ABHD18: variants seen among roughly 807,000 people sequenced by gnomAD.
The protein encoded by ABHD18 is cardiolipin-specific deacylase, mitochondrial.
In ABHD18, 55 loss-of-function variants were observed where a neutral mutation model predicts 65.9. The observed-to-expected ratio is 0.84, with a 90% confidence interval of 0.67 to 1.05. The LOEUF is 1.05. Among genes scored for constraint, ABHD18 ranks in the 50% least tolerant of loss-of-function variants. The pLI is 0.00. For missense variants in ABHD18, 533 were observed against 558.5 expected, an observed-to-expected ratio of 0.95 and a Z score of 0.46; for synonymous variants, 181 against 180.2, an observed-to-expected ratio of 1.00 and a Z score of -0.04.
chr4:128,022,794 T>G (rs952375578), intron 10 of ABHD18, among the ~76,000 whole-genome samples: 2 of 151,532 alleles, frequency 1.3e-5, no homozygotes, highest in Non-Finnish European at 2.9e-5. Context: ...TTCTCTGTCT[T>G]GCTGTGTCGC....
Position 127,983,048 on chromosome 4 carries a change from G to C in ABHD18, c.92+1G>C. The C allele has an allele frequency of 6.5e-7, 1 of 1,549,044 alleles. No individual in the cohort carries two copies. The highest frequency in any genetic ancestry group is 8.7e-7 in the Non-Finnish European group (1 of 1,145,994). ...GGGGAAGGCCAGAAGATCTCAAAAG[G>C]CAAGCAATTTTTTTTCCTGAATACT... is the stretch of plus-strand genomic sequence containing the variant. On this transcript the variant is annotated splice_donor_variant, in intron 2 of 12. Coordinates refer to ENST00000645843, the MANE Select transcript of ABHD18 (RefSeq NM_001358451.3). LOFTEE classifies it high-confidence loss of function.
chr4:127,984,421 A>T lies in ABHD18; in HGVS notation c.175A>T (p.Lys59Ter). 6.6e-7 allele frequency: 1 copy of T among 1,506,050 alleles called. No homozygotes were observed. The highest frequency in any genetic ancestry group is 9.0e-7 in the Non-Finnish European group (1 of 1,112,468). 93.3% of individuals were successfully genotyped at this position (1,506,050 alleles called of 1,614,324 possible). ...AAGCGATTATCCAGTACACATTGAT[A>T]AGGTATTCAAATGAGAGAAACACAG... ...VSSDYPVHID[K>*]IEEQSDCKIL... Residue 59 changes from lysine to a stop codon, truncating the protein, a stop_gained and splice_region_variant, in exon 3 of 13, where the codon AAG (lysine) becomes TAG (stop). Coordinates refer to ENST00000645843, the MANE Select transcript of ABHD18 (RefSeq NM_001358451.3). LOFTEE classifies it high-confidence loss of function.
At chr4:127,990,408 C>T (rs866420459) in intron 4 of ABHD18, among the ~76,000 whole-genome samples, 1 of 152,128 alleles carries the variant, frequency 6.6e-6, no homozygotes, top group African/African-American at 2.4e-5. Flanking sequence ...ACTGAAAACA[C>T]AAACAATTAG....
At chr4:128,021,877 G>C (rs1756553432) in intron 10 of ABHD18, among the ~76,000 whole-genome samples, 1 of 152,104 alleles carries the variant, frequency 6.6e-6, no homozygotes, top group Admixed American at 6.6e-5. Flanking sequence ...TATGTTTATA[G>C]TAATTACTCC....
chr4:128,002,704 C>T (rs890371050), intron 4 of ABHD18, among the ~76,000 whole-genome samples: 6 of 151,986 alleles, frequency 3.9e-5, no homozygotes, highest in East Asian at 1.9e-4. Flanking sequence ...AGTACAGTGG[C>T]GTGATCTGGG....
chr4:128,011,978 C>A (rs1754659138), intron 7 of ABHD18, among the ~76,000 whole-genome samples: 1 of 151,444 alleles, frequency 6.6e-6, no homozygotes, highest in African/African-American at 2.4e-5. Context: ...AATGATAAAA[C>A]CCTTTCTTTT....
chr4:128,010,624 G>A (rs189396036), intron 6 of ABHD18, among the ~76,000 whole-genome samples: 6 of 151,658 alleles, frequency 4.0e-5, no homozygotes, highest in East Asian at 1.9e-4. Flanking sequence ...AGCAAAAACT[G>A]TGCATTGGCC....
intron 7 of ABHD18, 108 bp downstream of exon 7, chr4:128,011,808 TA>T: frequency 3.7e-6 from 1 of 271,400 alleles, no homozygotes; most frequent in Non-Finnish European, 7.0e-6. Context: ...ACCTAAATAT[TA>T]TGGGGGGGGG....
chr4:127,974,952 C>CGCCA (rs1236344458), intron 1 of ABHD18, among the ~76,000 whole-genome samples: 2 of 144,014 alleles, frequency 1.4e-5, no homozygotes, highest in Non-Finnish European at 3.0e-5. Context: ...GCCGAGATCG[C>CGCCA]GCCATTGCAC....
chr4:128,004,156 A>G (rs1753187893), intron 4 of ABHD18, among the ~76,000 whole-genome samples: 1 of 151,854 alleles, frequency 6.6e-6, no homozygotes, highest in Middle Eastern at 3.4e-3. Context: ...GTTTTTTTAG[A>G]AAATATGAGG....
chr4:127,985,437 A>G (rs994307489), intron 3 of ABHD18, among the ~76,000 whole-genome samples: 3 of 152,146 alleles, frequency 2.0e-5, no homozygotes, highest in Non-Finnish European at 4.4e-5. Context: ...GCTAAGAACA[A>G]AATTTTATAG....
intron 4 of ABHD18, among the ~76,000 whole-genome samples, chr4:128,007,328 T>TAAA (rs750294558): frequency 5.1e-5 from 3 of 58,798 alleles, no homozygotes; most frequent in Admixed American, 2.0e-4. Flanking sequence ...ACCTTGTCTC[T>TAAA]AAAAAAAAAA....
At chr4:127,978,455 G>T (rs1748390139) in intron 1 of ABHD18, among the ~76,000 whole-genome samples, 1 of 152,072 alleles carries the variant, frequency 6.6e-6, no homozygotes, top group African/African-American at 2.4e-5. Context: ...AGATGGATTG[G>T]TTGATTATAT....
Position 128,039,215 on chromosome 4 carries a change from C to CGT in ABHD18, c.*3402_*3403insGT, listed in dbSNP as rs1759155673. ...CAAAGAAGTGCGGTCTGCCATTTAT[C>CGT]TGCCATTTTGAGGATTTAGGTACTA... On this transcript the variant is annotated 3_prime_UTR_variant, in exon 13 of 13. Transcript: ENST00000645843. The CGT allele has an allele frequency of 7.0e-6, 1 of 143,446 alleles. No homozygotes were observed. The highest frequency in any genetic ancestry group is 2.6e-5 in the African/African-American group (1 of 38,878). The allele number at this position is 143,446 out of a possible 1,614,324, so 8.9% of individuals were successfully genotyped here.
chr4:127,979,895 G>A (rs183436124), intron 1 of ABHD18, among the ~76,000 whole-genome samples: 10 of 123,122 alleles, frequency 8.1e-5, no homozygotes, highest in Non-Finnish European at 1.3e-4. Flanking sequence ...CAGCCTGAGC[G>A]ACAGAGTGAG....
intron 10 of ABHD18, among the ~76,000 whole-genome samples, chr4:128,027,232 G>T (rs1241779956): frequency 6.6e-6 from 1 of 152,040 alleles, no homozygotes; most frequent in Admixed American, 6.6e-5. Context: ...CAGCTATACC[G>T]TCTAGATTTA....
At chr4:127,995,826 T>C (rs1250223022) in intron 4 of ABHD18, among the ~76,000 whole-genome samples, 1 of 152,226 alleles carries the variant, frequency 6.6e-6, no homozygotes, top group Non-Finnish European at 1.5e-5. Flanking sequence ...ATAAATGGCA[T>C]TCAGTAGTTC....
At chr4:127,976,685 T>G (rs1210387534) in intron 1 of ABHD18, among the ~76,000 whole-genome samples, 1 of 152,208 alleles carries the variant, frequency 6.6e-6, no homozygotes, top group Non-Finnish European at 1.5e-5. Context: ...TTATTGTTTT[T>G]CCATGAGGAA....
chr4:128,020,631 G>A (rs1756335014), intron 9 of ABHD18, among the ~76,000 whole-genome samples: 1 of 152,144 alleles, frequency 6.6e-6, no homozygotes, highest in Non-Finnish European at 1.5e-5. Context: ...TTTAGGTACA[G>A]TGACCCACTC....
Sources: allele counts gnomAD v4.1 joint callset (sites outside exome capture counted in the v4.1 genomes callset), GRCh38; gene constraint gnomAD v4.1.1; transcripts MANE v1.5; gene names NCBI Gene and HGNC (gene_info 2026-07-23, HGNC 2026-07-21).